The following PRKN variants were observed in gnomAD, a reference collection of about 807,000 sequenced individuals.
The protein encoded by PRKN is parkin RBR E3 ubiquitin protein ligase, also known as E3 ubiquitin-protein ligase parkin.
PRKN carries 56 observed loss-of-function variants against 59.5 expected under a neutral mutation model. That is an observed-to-expected ratio of 0.94 (90% CI 0.76 to 1.18). PRKN has a LOEUF of 1.18. Ranked by LOEUF, PRKN falls within the 50% of genes most tolerant of loss-of-function variation. The pLI is 0.00. For synonymous variants in PRKN, 250 were observed against 222.1 expected (o/e 1.13, Z -1.12); for missense variants, 657 against 596.4 (o/e 1.10, Z -1.06).
chr6:161,910,443 C>T (rs557557731), intron 6 of PRKN, among the ~76,000 whole-genome samples: 99 of 152,108 alleles, frequency 6.5e-4, no homozygotes, highest in African/African-American at 2.2e-3. Flanking sequence ...TTAGTAGAGA[C>T]GGGGTTTCAC....
intron 7 of PRKN, among the ~76,000 whole-genome samples, chr6:161,712,744 C>A (rs1255106642): frequency 6.6e-6 from 1 of 152,126 alleles, no homozygotes; most frequent in Admixed American, 6.5e-5. Context: ...GACTATCTCA[C>A]AGATTCTCCC....
Position 161,470,797 on chromosome 6 carries a change from G to GGGCT in PRKN, c.1083+78053_1083+78056dup, listed in dbSNP as rs1790755702. Among the ~76,000 whole-genome samples, 1 of 152,184 alleles carries GGGCT rather than the reference G, an allele frequency of 6.6e-6. No homozygotes were observed. The highest frequency in any genetic ancestry group is 2.1e-4 in the South Asian group (1 of 4,836). ...ACCCTGAGCCCGAAGGCTGCCTGAAGGGCTGCCACATGTAGGGGATGTGGA... is the reference window on the plus strand; with the variant it reads ...ACCCTGAGCCCGAAGGCTGCCTGAAGGGCTGGCTGCCACATGTAGGGGATGTGGA... On this transcript the variant is annotated intron_variant, in intron 9 of 11. Coordinates refer to ENST00000366898, the MANE Select transcript of PRKN (RefSeq NM_004562.3). This position sits in a 1 kb window ranked among gnomAD's most constrained non-coding sequence, Gnocchi z 5.1.
chr6:161,708,504 G>A (rs7742310), intron 7 of PRKN, among the ~76,000 whole-genome samples: 66,751 of 150,342 alleles, frequency 0.44, 15,271 homozygotes, highest in Admixed American at 0.6. Context: ...AAAATTGGAG[G>A]ATTCTGTGTA....
At chr6:162,073,214 C>T (rs1309555563) in intron 4 of PRKN, among the ~76,000 whole-genome samples, 2 of 152,182 alleles carry the variant, frequency 1.3e-5, no homozygotes, top group East Asian at 1.9e-4. Flanking sequence ...ATTGTACTCA[C>T]GCTTACTCAC....
intron 2 of PRKN, among the ~76,000 whole-genome samples, chr6:162,372,024 A>G (rs1785793856): frequency 6.6e-6 from 1 of 152,196 alleles, no homozygotes; most frequent in Non-Finnish European, 1.5e-5. Flanking sequence ...CTGCTGCCAG[A>G]TGCCCTCTGT....
At chr6:162,185,884 G>C (rs58623893) in intron 4 of PRKN, among the ~76,000 whole-genome samples, 2,323 of 152,186 alleles carry the variant, frequency 0.015, 58 homozygotes, top group African/African-American at 0.052. Context: ...GGAGCAAGTA[G>C]TGTTAAAAAT....
Position 161,526,807 on chromosome 6 carries a change from A to C in PRKN, c.1083+22047T>G, listed in dbSNP as rs1779033331. 1.3e-5 allele frequency among the ~76,000 whole-genome samples: 2 copies of C among 152,160 alleles called. No individual in the cohort carries two copies. The highest frequency in any genetic ancestry group is 2.9e-5 in the Non-Finnish European group (2 of 68,028). On this transcript the variant is annotated intron_variant, in intron 9 of 11. Coordinates refer to ENST00000366898, the MANE Select transcript of PRKN (RefSeq NM_004562.3). This position sits in a 1 kb window ranked among gnomAD's most constrained non-coding sequence, Gnocchi z 4.1. The stretch of plus-strand genomic sequence containing the variant: ...AGATCAACACGATAAAATACATACA[A>C]ATTTATTACATACATATGCATGAGA...
At chr6:162,218,445 G>A (rs1777795352) in intron 3 of PRKN, among the ~76,000 whole-genome samples, 1 of 152,178 alleles carries the variant, frequency 6.6e-6, no homozygotes, top group Admixed American at 6.5e-5. Flanking sequence ...CTAGAGTCCT[G>A]CTGAGCATGG....
chr6:162,654,353 G>A (rs1046462895), intron 1 of PRKN, among the ~76,000 whole-genome samples: 1 of 152,200 alleles, frequency 6.6e-6, no homozygotes, highest in African/African-American at 2.4e-5. Context: ...AAGGAAAACT[G>A]AGGGATAGAG....
chr6:161,872,629 C>A (rs1372857485), intron 6 of PRKN, among the ~76,000 whole-genome samples: 2 of 150,466 alleles, frequency 1.3e-5, no homozygotes, highest in Admixed American at 6.6e-5. Context: ...AATCCATGGT[C>A]CCTCATATTA....
At chr6:162,665,089 AAAAGCTG>A (rs1779046098) in intron 1 of PRKN, among the ~76,000 whole-genome samples, 1 of 152,168 alleles carries the variant, frequency 6.6e-6, no homozygotes, top group African/African-American at 2.4e-5. Flanking sequence ...TTGAATAGGC[AAAAGCTG>A]GAAGCATTCC....
intron 4 of PRKN, among the ~76,000 whole-genome samples, chr6:162,136,148 TA>T (rs1459842152): frequency 6.6e-6 from 1 of 150,472 alleles, no homozygotes; most frequent in Non-Finnish European, 1.5e-5. Context: ...AAATTGTAGA[TA>T]ATCTACAGAA....
chr6:161,510,946 A>T (rs1448807623), intron 9 of PRKN, among the ~76,000 whole-genome samples: 1 of 152,246 alleles, frequency 6.6e-6, no homozygotes, highest in African/African-American at 2.4e-5. Context: ...TTATATCAAA[A>T]GAAGCCAGTC....
chr6:161,738,921 AC>A (rs1211670068), intron 7 of PRKN, among the ~76,000 whole-genome samples: 1 of 152,248 alleles, frequency 6.6e-6, no homozygotes, highest in African/African-American at 2.4e-5. Flanking sequence ...TAGAGAACTG[AC>A]AAAAAATAAT....
At chr6:162,246,929 C>T (rs1282671756) in intron 3 of PRKN, among the ~76,000 whole-genome samples, 1 of 152,012 alleles carries the variant, frequency 6.6e-6, no homozygotes, top group Non-Finnish European at 1.5e-5. Context: ...CTTCAGACAG[C>T]TAGGTAATTT....
At chr6:162,092,929 C>A (rs1289957144) in intron 4 of PRKN, among the ~76,000 whole-genome samples, 1 of 152,168 alleles carries the variant, frequency 6.6e-6, no homozygotes, top group African/African-American at 2.4e-5. Context: ...ACTGCAGAAA[C>A]GTCCTTGATG....
Position 161,920,563 on chromosome 6 carries a change from G to C in PRKN, c.734+52739C>G, listed in dbSNP as rs564415932. On this transcript the variant is annotated intron_variant, in intron 6 of 11. Coordinates refer to ENST00000366898, the MANE Select transcript of PRKN (RefSeq NM_004562.3). ...CCCAGCACTTTGGGAGGCCGAAGTG[G>C]ATCACGAAGTCAAGAGATTGAGACC... Among the ~76,000 whole-genome samples the C allele has an allele frequency of 3.3e-5, 5 of 151,748 alleles. 1 individual carries two copies. The South Asian group carries it at 1.0e-3, about 32-fold the overall frequency.
intron 5 of PRKN, among the ~76,000 whole-genome samples, chr6:162,000,844 G>C (rs1397083462): frequency 1.5e-4 from 9 of 58,854 alleles, no homozygotes; most frequent in African/African-American, 7.8e-4. Flanking sequence ...TCTGTTTCCA[G>C]ATTTTTTTGT....
At position 161,502,366 on chromosome 6, in the gene PRKN, G is replaced by A. The variant is rs186809210; in HGVS notation, c.1083+46488C>T. ...ATGTTTGGCTGTGCAGAAAACCAAT[G>A]ACATCAAAAGGAGAGCTTCTAGAAG... On this transcript the variant is annotated intron_variant, in intron 9 of 11. Coordinates refer to ENST00000366898, the MANE Select transcript of PRKN (RefSeq NM_004562.3). This position sits in a 1 kb window ranked among gnomAD's most constrained non-coding sequence, Gnocchi z 4.0. Among the ~76,000 whole-genome samples the A allele has an allele frequency of 1.6e-4, 24 of 152,228 alleles. No individual in the cohort carries two copies. The highest frequency in any genetic ancestry group is 9.2e-4 in the Admixed American group (14 of 15,284).
Sources: allele counts gnomAD v4.1 joint callset (sites outside exome capture counted in the v4.1 genomes callset), GRCh38; gene constraint gnomAD v4.1.1; non-coding constraint Gnocchi (gnomAD v3.1); transcripts MANE v1.5; gene names NCBI Gene and HGNC (gene_info 2026-07-23, HGNC 2026-07-21).